The following SPAG16 variants were observed in gnomAD, a reference collection of about 807,000 sequenced individuals.
The protein encoded by SPAG16 is sperm associated antigen 16.
A neutral mutation model predicts 80.4 loss-of-function variants in SPAG16; 86 were observed. The observed-to-expected ratio is 1.07, with a 90% CI of 0.90 to 1.28. SPAG16 has a LOEUF of 1.28. Ranked by LOEUF, SPAG16 falls within the 50% of genes most tolerant of loss-of-function variation. SPAG16 has a pLI of 0.00. For missense variants in SPAG16, 870 were observed against 765.3 expected (o/e 1.14, Z -1.61); for synonymous variants, 294 against 265.9 (o/e 1.11, Z -1.03).
chr2:213,494,383 T>C (rs888373188), intron 10 of SPAG16, among the ~76,000 whole-genome samples: 1 of 152,222 alleles, frequency 6.6e-6, no homozygotes, highest in African/African-American at 2.4e-5. Context: ...CTTCTCCTTA[T>C]CTCCCTCATT....
intron 13 of SPAG16, among the ~76,000 whole-genome samples, chr2:214,106,977 A>T (rs891569798): frequency 6.6e-6 from 1 of 151,802 alleles, no homozygotes; most frequent in Non-Finnish European, 1.5e-5. Flanking sequence ...TAACTCCCTT[A>T]CTATACTTTC....
At chr2:214,005,756 T>G (rs1026166750) in intron 12 of SPAG16, among the ~76,000 whole-genome samples, 1 of 152,198 alleles carries the variant, frequency 6.6e-6, no homozygotes, top group African/African-American at 2.4e-5. Flanking sequence ...TTCTTGACTT[T>G]TGAAGTAAAA....
chr2:214,200,265 A>G (rs960943363), intron 15 of SPAG16, among the ~76,000 whole-genome samples: 2 of 152,152 alleles, frequency 1.3e-5, no homozygotes, highest in Non-Finnish European at 2.9e-5. Context: ...AGTCTGTTCT[A>G]TGCCAATGTC....
intron 10 of SPAG16, among the ~76,000 whole-genome samples, chr2:213,758,540 TACA>T (rs531986457): frequency 1.3e-4 from 20 of 151,870 alleles, no homozygotes; most frequent in Non-Finnish European, 2.4e-4. Context: ...AGCTGAAAAG[TACA>T]ACAACTTAAA....
intron 10 of SPAG16, among the ~76,000 whole-genome samples, chr2:213,533,014 C>A (rs954213084): frequency 1.3e-5 from 2 of 152,014 alleles, no homozygotes; most frequent in Non-Finnish European, 2.9e-5. Context: ...ACATTATTTG[C>A]CACATTTATT....
chr2:214,013,914 T>C (rs1438644672), intron 12 of SPAG16, 37 bp from the exon 13 acceptor site: 3 of 1,603,112 alleles, frequency 1.9e-6, no homozygotes, highest in African/African-American at 1.3e-5. Context: ...ACAGCATAGA[T>C]ACTAACTCCT....
intron 9 of SPAG16, among the ~76,000 whole-genome samples, chr2:213,422,928 A>G (rs145238139): frequency 6.6e-6 from 1 of 152,336 alleles, no homozygotes; most frequent in East Asian, 1.9e-4. Context: ...ACTTCTAAGT[A>G]CTTTTCTCTT....
intron 10 of SPAG16, among the ~76,000 whole-genome samples, chr2:213,494,510 A>G (rs969667513): frequency 3.9e-5 from 6 of 152,184 alleles, no homozygotes; most frequent in Non-Finnish European, 8.8e-5. Flanking sequence ...AAAGTCTGAT[A>G]GGTCTTTCCT....
chr2:213,767,918 G>A (rs910934014), intron 10 of SPAG16, among the ~76,000 whole-genome samples: 1 of 152,162 alleles, frequency 6.6e-6, no homozygotes, highest in African/African-American at 2.4e-5. Context: ...TAGCAGGCAT[G>A]TATAAATAAG....
intron 10 of SPAG16, among the ~76,000 whole-genome samples, chr2:213,848,007 T>G (rs1473662091): frequency 6.6e-6 from 1 of 152,214 alleles, no homozygotes; most frequent in African/African-American, 2.4e-5. Context: ...TAATTTGAGT[T>G]ATTTATTAAA....
At chr2:213,529,243 T>C (rs1053498896) in intron 10 of SPAG16, among the ~76,000 whole-genome samples, 2 of 152,182 alleles carry the variant, frequency 1.3e-5, no homozygotes, top group Non-Finnish European at 2.9e-5. Flanking sequence ...TTACCATGGA[T>C]ATTGCTCTTT....
chr2:213,763,615 C>T (rs888592550), intron 10 of SPAG16, among the ~76,000 whole-genome samples: 6 of 151,818 alleles, frequency 4.0e-5, no homozygotes, highest in African/African-American at 1.5e-4. Flanking sequence ...ATATAGTTAA[C>T]AATACTATAC....
rs970641640 is a variant in SPAG16, at chr2:213,812,038, G to C, written c.1071-50447G>C. ...GCCTAGCAACAGGAGTTAGAAGCAT[G>C]GTAAAGAGGAGGTGGAGAACAGAGA... On this transcript the variant is annotated intron_variant, in intron 10 of 15. Coordinates refer to ENST00000331683, the MANE Select transcript of SPAG16 (RefSeq NM_024532.5). 1.6e-4 allele frequency among the ~76,000 whole-genome samples: 24 copies of C among 152,122 alleles called. 1 individual carries two copies. The highest frequency in any genetic ancestry group is 3.2e-4 in the Non-Finnish European group (22 of 68,028).
intron 15 of SPAG16, among the ~76,000 whole-genome samples, chr2:214,403,774 T>G (rs1396343147): frequency 6.6e-6 from 1 of 152,192 alleles, no homozygotes. Context: ...TGGAAAAATA[T>G]ATGGCATGGC....
intron 15 of SPAG16, among the ~76,000 whole-genome samples, chr2:214,358,118 C>G (rs1698938306): frequency 6.6e-6 from 1 of 151,912 alleles, no homozygotes; most frequent in Non-Finnish European, 1.5e-5. Flanking sequence ...CTGCAATATT[C>G]AACTTCAGTG....
intron 10 of SPAG16, among the ~76,000 whole-genome samples, chr2:213,637,437 G>A (rs1293166917): frequency 6.6e-6 from 1 of 152,124 alleles, no homozygotes; most frequent in Non-Finnish European, 1.5e-5. Context: ...TTTGGTGTTA[G>A]GGTGATACTG....
chr2:213,620,973 C>T lies in SPAG16; in HGVS notation c.1070+130883C>T, dbSNP rs1018006166. On this transcript the variant is annotated intron_variant, in intron 10 of 15. Transcript: ENST00000331683. The stretch of plus-strand genomic sequence containing the variant: ...TTAACTGGACAATTGAAAAATATCA[C>T]TCTTTACTGATTTATATCAAGTTTT... 3.9e-5 allele frequency among the ~76,000 whole-genome samples: 6 copies of T among 152,224 alleles called. No homozygotes were observed. In the East Asian group the frequency reaches 1.2e-3, roughly 29 times the overall value.
intron 11 of SPAG16, among the ~76,000 whole-genome samples, chr2:213,869,913 C>T (rs954218326): frequency 6.6e-6 from 1 of 152,108 alleles, no homozygotes; most frequent in African/African-American, 2.4e-5. Flanking sequence ...GATCTTTAGA[C>T]ATATCTGTAT....
chr2:214,370,989 T>C (rs1210611900), intron 15 of SPAG16, among the ~76,000 whole-genome samples: 1 of 152,134 alleles, frequency 6.6e-6, no homozygotes, highest in South Asian at 2.1e-4. Flanking sequence ...CTTCCAGGCT[T>C]TTAGTCCCCA....
Sources: allele counts gnomAD v4.1 joint callset (sites outside exome capture counted in the v4.1 genomes callset), GRCh38; gene constraint gnomAD v4.1.1; transcripts MANE v1.5; gene names NCBI Gene and HGNC (gene_info 2026-07-23, HGNC 2026-07-21).